AK8: variants seen among roughly 807,000 people sequenced by gnomAD.
The protein encoded by AK8 is adenylate kinase 8, also known as ATP-AMP transphosphorylase 8.
Under a neutral mutation model 54.6 loss-of-function variants are expected in AK8, and 44 were observed. That is an observed-to-expected ratio of 0.81 (90% CI 0.63 to 1.04). AK8 has a LOEUF of 1.04. Among genes scored for constraint, AK8 ranks in the 50% least tolerant of loss-of-function variants. The pLI, the probability that AK8 is intolerant of heterozygous loss-of-function variation, is 0.00. For missense variants in AK8, 555 were observed against 613.6 expected (o/e 0.90, Z 1.01); for synonymous variants, 239 against 245.6 (o/e 0.97, Z 0.25).
At chr9:132,740,937 T>C (rs547322366) in intron 11 of AK8, among the ~76,000 whole-genome samples, 1 of 152,302 alleles carries the variant, frequency 6.6e-6, no homozygotes, top group South Asian at 2.1e-4. Context: ...GGTGTGTTTG[T>C]CCTACTCTCA....
chr9:132,765,292 C>CAAAAAAAAAAAAAAA lies in AK8; in HGVS notation c.1121+27327_1121+27341dup, dbSNP rs61495439. Reference sequence around the variant, plus strand: ...TGGGCAACAGAGCGAGACTCCATTTCAAAAAAAAAAAAAAAAAAAAAAGAG... The same window carrying CAAAAAAAAAAAAAAA: ...TGGGCAACAGAGCGAGACTCCATTTCAAAAAAAAAAAAAAAAAAAAAAAAAAAAAAAAAAAAAGAG... On this transcript the variant is annotated intron_variant, in intron 11 of 12. Coordinates refer to ENST00000298545, the MANE Select transcript of AK8 (RefSeq NM_152572.3). Among the ~76,000 whole-genome samples the CAAAAAAAAAAAAAAA allele has an allele frequency of 1.4e-3, 85 of 62,800 alleles. 7 individuals are homozygous for CAAAAAAAAAAAAAAA. Among genetic ancestry groups the CAAAAAAAAAAAAAAA allele is most frequent in the African/African-American group, 5.4e-3 (81 of 15,014 alleles). The allele number at this position is 62,800 out of a possible 152,430, so 41.2% of individuals were successfully genotyped here. A position where few individuals can be genotyped will look rare whatever the true frequency, so the allele number is the denominator to read the frequency against.
upstream of AK8, chr9:132,878,341 G>T: frequency 7.8e-7 from 1 of 1,277,170 alleles, no homozygotes; most frequent in Non-Finnish European, 9.9e-7. This position sits in a 1 kb window ranked among gnomAD's most constrained non-coding sequence, Gnocchi z 4.7. Context: ...CCGCGGCCCC[G>T]CCCTGCAGGC....
At chr9:132,783,059 G>A (rs1460848487) in intron 11 of AK8, among the ~76,000 whole-genome samples, 1 of 152,206 alleles carries the variant, frequency 6.6e-6, no homozygotes, top group East Asian at 1.9e-4. Flanking sequence ...CAGGAACAAG[G>A]AACTTTGCAG....
intron 4 of AK8, among the ~76,000 whole-genome samples, chr9:132,862,306 C>T (rs1843421301): frequency 6.6e-6 from 1 of 150,834 alleles, no homozygotes; most frequent in African/African-American, 2.4e-5. Flanking sequence ...GGGGGTCTGT[C>T]GAAGTCACAC....
At position 132,869,478 on chromosome 9, in the gene AK8, T is replaced by C. The variant is rs550308204; in HGVS notation, c.170-2525A>G. ...AGCTGCCAGGAAGTGCTCCAGGTCC[T>C]GCCTGTGACTCCGACTCTGGACTCG... On this transcript the variant is annotated intron_variant, in intron 2 of 12. Transcript: ENST00000298545. 1.2e-4 allele frequency among the ~76,000 whole-genome samples: 18 copies of C among 152,338 alleles called. No individual in the cohort carries two copies. The South Asian group carries it at 1.9e-3, about 16-fold the overall frequency.
intron 5 of AK8, among the ~76,000 whole-genome samples, chr9:132,840,757 G>A (rs1355329964): frequency 6.6e-6 from 1 of 152,094 alleles, no homozygotes; most frequent in Non-Finnish European, 1.5e-5. Flanking sequence ...GTCAGTTGTG[G>A]TGGCACACGC....
At chr9:132,733,126 T>C (rs1590166498) in intron 11 of AK8, among the ~76,000 whole-genome samples, 1 of 151,938 alleles carries the variant, frequency 6.6e-6, no homozygotes, top group Non-Finnish European at 1.5e-5. Flanking sequence ...CTGGAGCGGC[T>C]GGGAGCCATG....
At position 132,814,622 on chromosome 9, in the gene AK8, T is replaced by C. The variant is rs375363900; in HGVS notation, c.979+16A>G. 1.4e-5 allele frequency: 23 copies of C among 1,612,028 alleles called. No homozygotes were observed. The highest frequency in any genetic ancestry group is 3.3e-4 in the Middle Eastern group (2 of 6,038). Reference sequence around the variant, plus strand: ...GAGCCTGTAAGGTCATGACAGTTAGTGGGAACGTGGCCTACCTGCCATCTC... The same window carrying C: ...GAGCCTGTAAGGTCATGACAGTTAGCGGGAACGTGGCCTACCTGCCATCTC... On this transcript the variant is annotated intron_variant, in intron 10 of 12. Coordinates refer to ENST00000298545, the MANE Select transcript of AK8 (RefSeq NM_152572.3).
chr9:132,736,877 C>A (rs1837146126), intron 11 of AK8, among the ~76,000 whole-genome samples: 1 of 150,134 alleles, frequency 6.7e-6, no homozygotes, highest in Non-Finnish European at 1.5e-5. Context: ...AAGACAGATA[C>A]AAAAGGACAA....
rs145489688 is a variant in AK8, at chr9:132,812,788, G to A, written c.979+1850C>T. 5.9e-5 allele frequency among the ~76,000 whole-genome samples: 9 copies of A among 152,306 alleles called. No homozygotes were observed. The East Asian group carries it at 9.6e-4, about 16-fold the overall frequency. On this transcript the variant is annotated intron_variant, in intron 10 of 12. Coordinates refer to ENST00000298545, the MANE Select transcript of AK8 (RefSeq NM_152572.3). The stretch of plus-strand genomic sequence containing the variant: ...ACCAGACTGGGAAGCATAAGAGCTC[G>A]TGCTGGTTTTCACCCTCCCTGGTGC...
intron 11 of AK8, among the ~76,000 whole-genome samples, chr9:132,758,437 CT>C (rs1321834242): frequency 2.0e-5 from 3 of 151,420 alleles, no homozygotes; most frequent in African/African-American, 4.8e-5. Context: ...TTTCCATTTT[CT>C]TTTTTTTTGT....
intron 11 of AK8, among the ~76,000 whole-genome samples, chr9:132,748,854 A>G (rs1338005871): frequency 6.6e-6 from 1 of 151,874 alleles, no homozygotes; most frequent in African/African-American, 2.4e-5. Context: ...AATTTTTCTG[A>G]TGAAGTGGCT....
intron 10 of AK8, among the ~76,000 whole-genome samples, chr9:132,813,457 C>A (rs567347560): frequency 3.9e-5 from 6 of 152,238 alleles, no homozygotes; most frequent in Non-Finnish European, 7.3e-5. Flanking sequence ...GGATTCCTAG[C>A]CAATGCCCGC....
intron 11 of AK8, among the ~76,000 whole-genome samples, chr9:132,758,517 T>G (rs1040708965): frequency 2.6e-5 from 4 of 152,158 alleles, no homozygotes; most frequent in Non-Finnish European, 5.9e-5. Context: ...TGGTGCGATC[T>G]CGGCTCACTG....
chr9:132,842,626 T>A (rs1842590529), intron 5 of AK8, among the ~76,000 whole-genome samples: 1 of 152,190 alleles, frequency 6.6e-6, no homozygotes, highest in Admixed American at 6.5e-5. Context: ...TGCATAACAA[T>A]CTTAGTGACT....
Position 132,823,210 on chromosome 9 carries a change from A to T in AK8, c.884T>A (p.Val295Asp). The change falls in exon 9 of 13, where the codon GTC becomes GAC. Residue 295 changes from valine to aspartate, a missense_variant. By Grantham distance (152) the Val-to-Asp change is radical. Transcript: ENST00000298545. ...AALLAQKYRL[V>D]NVCCGQLLKE... Reference sequence around the variant, plus strand: ...CCAGCACCTGGGGCACTCACCATTGACAAGCCTGTATTTCTGGGCCAGGAG... The same window carrying T: ...CCAGCACCTGGGGCACTCACCATTGTCAAGCCTGTATTTCTGGGCCAGGAG... The T allele has an allele frequency of 6.3e-7, 1 of 1,578,666 alleles. No homozygotes were observed. Among genetic ancestry groups the T allele is most frequent in the Non-Finnish European group, 8.6e-7 (1 of 1,164,040 alleles).
intron 5 of AK8, among the ~76,000 whole-genome samples, chr9:132,829,048 C>T (rs1382517493): frequency 6.6e-6 from 1 of 151,940 alleles, no homozygotes; most frequent in African/African-American, 2.4e-5. Context: ...CCTCCGCCTC[C>T]TGGGTTCAAG....
chr9:132,780,937 T>A (rs1445873023), intron 11 of AK8, among the ~76,000 whole-genome samples: 2 of 151,848 alleles, frequency 1.3e-5, no homozygotes, highest in African/African-American at 2.4e-5. Flanking sequence ...CCCTGCCCCC[T>A]CCCTCCTTGC....
chr9:132,867,573 A>G (rs569807375), intron 2 of AK8, among the ~76,000 whole-genome samples: 9 of 152,326 alleles, frequency 5.9e-5, no homozygotes, highest in Admixed American at 5.2e-4. Context: ...TGTGATATGA[A>G]CCACAGGCTC....
Sources: allele counts gnomAD v4.1 joint callset (sites outside exome capture counted in the v4.1 genomes callset), GRCh38; gene constraint gnomAD v4.1.1; non-coding constraint Gnocchi (gnomAD v3.1); transcripts MANE v1.5; gene names NCBI Gene and HGNC (gene_info 2026-07-23, HGNC 2026-07-21).